POM121: variants seen among roughly 807,000 people sequenced by gnomAD.
The protein encoded by POM121 is POM121 transmembrane nucleoporin.
A neutral mutation model predicts 81.3 loss-of-function variants in POM121; 32 were observed. That is an observed-to-expected ratio of 0.39 (90% confidence interval 0.30 to 0.53). POM121 has a LOEUF of 0.53. Ranked by LOEUF, POM121 falls within the 20% of genes least tolerant of loss-of-function variation. The pLI is 0.66. For synonymous variants in POM121, 514 were observed against 694.2 expected (o/e 0.74, Z 4.08); for missense variants, 1,138 against 1,614.6 (o/e 0.70, Z 5.06).
chr7:72,928,562 G>T (rs1202753183), intron 4 of POM121, 97 bp downstream of exon 4: 4 of 1,430,274 alleles, frequency 2.8e-6, no homozygotes, highest in Admixed American at 3.7e-5. Context: ...TTTTTGCATT[G>T]CTTAATTGGT....
intron 5 of POM121, among the ~76,000 whole-genome samples, chr7:72,932,523 G>A (rs1280168102): frequency 6.6e-6 from 1 of 152,152 alleles, no homozygotes; most frequent in East Asian, 1.9e-4. Context: ...GAATACATTT[G>A]TTCATATGTC....
At chr7:72,889,360 TAAATAACAGGA>T (rs1267453030) in intron 1 of POM121, among the ~76,000 whole-genome samples, 1 of 152,262 alleles carries the variant, frequency 6.6e-6, no homozygotes, top group Non-Finnish European at 1.5e-5. Context: ...ATGTTCTTTA[TAAATAACAGGA>T]TAATGCAACA....
rs562651201 is a variant in POM121, at chr7:72,939,875, A to G, written c.1470A>G (p.Gln490=). 6.2e-7 allele frequency: 1 copy of G among 1,610,142 alleles called. No homozygotes were observed. Among genetic ancestry groups the G allele is most frequent in the South Asian group, 1.1e-5 (1 of 90,916 alleles). ...KAADTTPRKK[Q]NSNSQSTPGS... is the part of the protein sequence containing the mutation. ...CAGATACAACCCCAAGGAAGAAACA[A>G]AACTCGAATTCTCAGTCTACACCTG... The change falls in exon 8 of 13, where the codon CAA becomes CAG. Residue 490 remains glutamine, a synonymous_variant. Coordinates refer to ENST00000434423, the MANE Select transcript of POM121 (RefSeq NM_001387691.1).
At chr7:72,934,602 A>T (rs1363740297) in intron 5 of POM121, among the ~76,000 whole-genome samples, 1 of 152,036 alleles carries the variant, frequency 6.6e-6, no homozygotes, top group South Asian at 2.1e-4. Context: ...AAGCTTTATT[A>T]TTTTATTATT....
chr7:72,879,377 C>T lies in POM121; in HGVS notation c.-1029C>T, dbSNP rs138629517. 255 of 186,084 alleles carry T rather than the reference C, an allele frequency of 1.4e-3. 5 individuals carry two copies. The East Asian group carries it at 0.042, about 31-fold the overall frequency. The allele number at this position is 186,084 out of a possible 1,614,324, so 11.5% of individuals were successfully genotyped here. A position where few individuals can be genotyped will look rare whatever the true frequency, so the allele number is the denominator to read the frequency against. On this transcript the variant is annotated 5_prime_UTR_variant, in exon 1 of 16. Transcript: ENST00000395270. ...TCCGCACTGCCCTCGCTTCCTGCGC[C>T]TCTTCAGGTCACCGCTTGCTCTAGT...
intron 5 of POM121, among the ~76,000 whole-genome samples, chr7:72,930,902 T>C: frequency 6.6e-6 from 1 of 152,228 alleles, no homozygotes; most frequent in East Asian, 1.9e-4. Context: ...ACATAACATC[T>C]CTTTTTCTTA....
chr7:72,891,185 T>C (rs1791263230), intron 3 of POM121: 2 of 611,580 alleles, frequency 3.3e-6, no homozygotes, highest in South Asian at 3.6e-5. Flanking sequence ...GTTGTTTATA[T>C]GTATTCGGTA....
chr7:72,911,406 C>G (rs1423088347), intron 3 of POM121, among the ~76,000 whole-genome samples: 4 of 152,210 alleles, frequency 2.6e-5, no homozygotes, highest in African/African-American at 9.6e-5. Context: ...GTCTTGATAA[C>G]CTTCAGGGTG....
At chr7:72,924,910 A>G, upstream of POM121, 2 of 791,554 alleles carry the variant, frequency 2.5e-6, no homozygotes, top group Non-Finnish European at 3.6e-6. Flanking sequence ...CTCCGGATGG[A>G]TGTGGCGCTG....
downstream of POM121, chr7:72,949,146 T>C (rs1554504211): frequency 7.3e-7 from 1 of 1,360,616 alleles, no homozygotes; most frequent in East Asian, 2.3e-5. Flanking sequence ...ACAGGCTGCC[T>C]CAGTCCTGAA....
At chr7:72,938,379 A>G (rs2429271) in intron 5 of POM121, among the ~76,000 whole-genome samples, 3 of 152,072 alleles carry the variant, frequency 2.0e-5, no homozygotes, top group Non-Finnish European at 4.4e-5. Context: ...TTGTAGAGAC[A>G]GGGGTCTCGC....
intron 11 of POM121, among the ~76,000 whole-genome samples, chr7:72,944,351 T>C (rs1444414968): frequency 6.6e-6 from 1 of 152,092 alleles, no homozygotes; most frequent in Non-Finnish European, 1.5e-5. Context: ...ATCCCATGGC[T>C]TCTGTTTGCT....
chr7:72,937,740 C>G (rs1422477964), intron 5 of POM121, among the ~76,000 whole-genome samples: 1 of 152,158 alleles, frequency 6.6e-6, no homozygotes, highest in Non-Finnish European at 1.5e-5. Context: ...AGACTATTTG[C>G]AGTGTCCGCT....
intron 3 of POM121, among the ~76,000 whole-genome samples, chr7:72,901,182 T>C (rs782496075): frequency 1.3e-5 from 2 of 151,774 alleles, no homozygotes; most frequent in Non-Finnish European, 2.9e-5. Context: ...TTTTTTTTAA[T>C]TGAGGTGAAA....
intron 3 of POM121, among the ~76,000 whole-genome samples, chr7:72,905,900 G>C (rs1292090590): frequency 6.6e-6 from 1 of 152,056 alleles, no homozygotes; most frequent in Non-Finnish European, 1.5e-5. Flanking sequence ...CTAAGCTTCC[G>C]TATATCCTGT....
Position 72,925,110 on chromosome 7 carries a change from C to G in POM121, c.-12C>G. ...TGGGATATTTAAGTCTCCTCCGCGG[C>G]GCGGAGCCGCGATGTCTCCGGCGGC... On this transcript the variant is annotated 5_prime_UTR_variant, in exon 1 of 13. Transcript: ENST00000434423. 1 of 1,401,788 alleles carries G rather than the reference C, an allele frequency of 7.1e-7. No individual in the cohort carries two copies. Among genetic ancestry groups the G allele is most frequent in the Non-Finnish European group, 9.2e-7 (1 of 1,092,820 alleles). 86.8% of individuals were successfully genotyped at this position (1,401,788 alleles called of 1,614,324 possible).
exon 1 of POM121, chr7:72,879,556 C>T (rs1789922495): frequency 3.7e-6 from 1 of 272,858 alleles, no homozygotes; most frequent in Admixed American, 6.0e-5. Context: ...AGCGTGAACC[C>T]CGGAGCCAGC....
intron 5 of POM121, among the ~76,000 whole-genome samples, chr7:72,938,143 T>C (rs1179445066): frequency 6.6e-6 from 1 of 152,176 alleles, no homozygotes; most frequent in Non-Finnish European, 1.5e-5. Context: ...TTATAGACTT[T>C]TCTTCTTTTG....
chr7:72,925,033 C>T, upstream of POM121: 1 of 1,331,916 alleles, frequency 7.5e-7, no homozygotes, highest in Non-Finnish European at 9.5e-7. Flanking sequence ...CGGAGTCGCG[C>T]GCGCATGACG....
Sources: allele counts gnomAD v4.1 joint callset (sites outside exome capture counted in the v4.1 genomes callset), GRCh38; gene constraint gnomAD v4.1.1; transcripts MANE v1.5; gene names NCBI Gene and HGNC (gene_info 2026-07-23, HGNC 2026-07-21).